The following SLC12A4 variants were observed in gnomAD, a reference collection of about 807,000 sequenced individuals.
SLC12A4 encodes the protein solute carrier family 12 member 4.
SLC12A4 carries 84 observed loss-of-function variants against 119.2 expected under a neutral mutation model. The ratio of observed to expected loss-of-function variants is 0.70; its 90% CI spans 0.59 to 0.85. The LOEUF is 0.85. SLC12A4 is among the 40% of genes least tolerant of loss of function. The pLI is 0.00. For synonymous variants in SLC12A4, 599 were observed against 604.6 expected, an observed-to-expected ratio of 0.99 and a Z score of 0.14; for missense variants, 1,298 against 1,476.3, an observed-to-expected ratio of 0.88 and a Z score of 1.98.
At chr16:67,954,066 C>T (rs997307490) in intron 6 of SLC12A4, 4 of 319,412 alleles carry the variant, frequency 1.3e-5, no homozygotes, top group African/African-American at 6.8e-5. Context: ...TCCCCAGGGG[C>T]GGGCACCTGT....
Position 67,968,619 on chromosome 16 carries a change from C to A in SLC12A4, c.-66G>T, listed in dbSNP as rs12925989. The A allele has an allele frequency of 7.4e-7, 1 of 1,345,780 alleles. No homozygotes were observed. Among genetic ancestry groups the A allele is most frequent in the Non-Finnish European group, 9.5e-7 (1 of 1,056,056 alleles). The allele number at this position is 1,345,780 out of a possible 1,614,324, so 83.4% of individuals were successfully genotyped here. ...CCGCCGCTGTCCCCGCCGCTGTCCC[C>A]GCCGCCCCGGGCCGACACGCCCCGC... is the stretch of plus-strand genomic sequence containing the variant. On this transcript the variant is annotated 5_prime_UTR_variant, in exon 1 of 24. Transcript: ENST00000316341.
intron 1 of SLC12A4, among the ~76,000 whole-genome samples, chr16:67,968,006 T>C (rs919362480): frequency 1.3e-5 from 2 of 151,994 alleles, no homozygotes; most frequent in Non-Finnish European, 2.9e-5. Context: ...GTTTGGGCAG[T>C]TGGGGAGCGG....
Position 67,949,604 on chromosome 16 carries a change from G to C in SLC12A4, c.1748+196C>G. 3 of 511,552 alleles carry C rather than the reference G, an allele frequency of 5.9e-6. No homozygotes were observed. The highest frequency in any genetic ancestry group is 1.0e-5 in the Non-Finnish European group (3 of 291,218). 31.7% of individuals were successfully genotyped at this position (511,552 alleles called of 1,614,324 possible). ...GCCTCAGGGAGGTGTGGACATATTG[G>C]TCACCTTATAGCTTTGGCATAGGTG... On this transcript the variant is annotated intron_variant, in intron 13 of 23. Transcript: ENST00000316341. The surrounding 1 kb of genome is among the most constrained non-coding windows in gnomAD (Gnocchi z 4.6).
Position 67,954,698 on chromosome 16 carries a change from A to C in SLC12A4, c.620T>G (p.Leu207Arg). The change falls in exon 6 of 24, where the codon CTG becomes CGG. Residue 207 changes from leucine to arginine, a missense_variant. Leu to Arg is a moderately radical substitution (Grantham distance 102, BLOSUM62 -2). Coordinates refer to ENST00000316341, the MANE Select transcript of SLC12A4 (RefSeq NM_005072.5). Reference protein sequence around the residue: ...FGGAVGLCFYLGTTFAAAMYI... With the variant: ...FGGAVGLCFYRGTTFAAAMYI... ...CATGGCTGCTGCGAATGTTGTTCCC[A>C]GGTAGAAGCACAGGCCCACAGCACC... The C allele has an allele frequency of 6.2e-7, 1 of 1,614,208 alleles. No homozygotes were observed. The highest frequency in any genetic ancestry group is 8.5e-7 in the Non-Finnish European group (1 of 1,180,026).
At chr16:67,947,643 G>A (rs942755555) in intron 15 of SLC12A4, 26 bp downstream of exon 15, 6 of 1,587,578 alleles carry the variant, frequency 3.8e-6, no homozygotes, top group Middle Eastern at 1.7e-4. Context: ...TCAGCTGGCA[G>A]AGGCCAGGTG....
chr16:67,963,171 G>A (rs558770173), intron 2 of SLC12A4: 1 of 191,218 alleles, frequency 5.2e-6, no homozygotes, highest in Non-Finnish European at 1.1e-5. Flanking sequence ...GAAGGAAGAG[G>A]AGAAATCCTG....
intron 5 of SLC12A4, 99 bp downstream of exon 5, chr16:67,957,643 C>G (rs2030340589): frequency 3.1e-5 from 44 of 1,403,090 alleles, no homozygotes; most frequent in Non-Finnish European, 4.4e-5. Context: ...CACTACAGAA[C>G]TGCTTGGGGC....
At chr16:67,967,496 C>T (rs2030916930) in intron 1 of SLC12A4, among the ~76,000 whole-genome samples, 1 of 152,340 alleles carries the variant, frequency 6.6e-6, no homozygotes, top group Non-Finnish European at 1.5e-5. Context: ...CACAATTACA[C>T]ATGCATATGC....
At position 67,944,918 on chromosome 16, in the gene SLC12A4, G is replaced by T; in HGVS notation, c.3180C>A (p.Leu1060=). 6.2e-7 allele frequency: 1 copy of T among 1,613,376 alleles called. No homozygotes were observed. The highest frequency in any genetic ancestry group is 2.2e-5 in the East Asian group (1 of 44,878). The change falls in exon 24 of 24, where the codon CTC becomes CTA. Residue 1060 remains leucine (L), a synonymous_variant. Coordinates refer to ENST00000316341, the MANE Select transcript of SLC12A4 (RefSeq NM_005072.5). The surrounding 1 kb of genome is among the most constrained non-coding windows in gnomAD (Gnocchi z 6.6). ...SEGDENYMEF[L]EVLTEGLERV... ...GCTCAAGGCCCTCGGTCAGCACCTCGAGGAACTCCATGTCTGCAGGGCCTC... is the reference window on the plus strand; with the variant it reads ...GCTCAAGGCCCTCGGTCAGCACCTCTAGGAACTCCATGTCTGCAGGGCCTC...
intron 1 of SLC12A4, chr16:67,966,658 T>C: frequency 6.7e-7 from 1 of 1,485,140 alleles, no homozygotes; most frequent in Non-Finnish European, 9.1e-7. Flanking sequence ...GTGTGGGCAC[T>C]GAACTGGGGA....
At position 67,945,486 on chromosome 16, in the gene SLC12A4, T is replaced by G; in HGVS notation, c.2915A>C (p.Glu972Ala). The change falls in exon 22 of 24, where the codon GAG (glutamate) becomes GCG (alanine). Residue 972 changes from glutamate (E) to alanine (A), a missense_variant. Glu to Ala is a moderately radical substitution (Grantham distance 107). Transcript: ENST00000316341. ...GATCTTGTCAGCCCCCACTGCAGACTCATCTTCCTCGTCCGAGTACAGGCT... is the reference window on the plus strand; with the variant it reads ...GATCTTGTCAGCCCCCACTGCAGACGCATCTTCCTCGTCCGAGTACAGGCT... Reference protein sequence around the residue: ...LESLYSDEEDESAVGADKIQM... With the variant: ...LESLYSDEEDASAVGADKIQM... The G allele has an allele frequency of 6.2e-7, 1 of 1,614,074 alleles. No individual in the cohort carries two copies. Among genetic ancestry groups the G allele is most frequent in the Non-Finnish European group, 8.5e-7 (1 of 1,180,000 alleles).
At position 67,949,104 on chromosome 16, in the gene SLC12A4, C is replaced by G. The variant is rs1363625493; in HGVS notation, c.1748+696G>C. Among the ~76,000 whole-genome samples, 1 of 152,220 alleles carries G rather than the reference C, an allele frequency of 6.6e-6. No individual in the cohort carries two copies. The highest frequency in any genetic ancestry group is 1.5e-5 in the Non-Finnish European group (1 of 68,040). ...CATGCTGGCCACTCCCTGCAAGGCA[C>G]TGGCACGCAGATTTGCCTGGCTGAT... On this transcript the variant is annotated intron_variant, in intron 13 of 23. Transcript: ENST00000316341. The surrounding 1 kb of genome is among the most constrained non-coding windows in gnomAD (Gnocchi z 4.6).
Position 67,950,403 on chromosome 16 carries a change from C to T in SLC12A4, c.1545G>A (p.Thr515=), listed in dbSNP as rs146678704. 3.1e-4 allele frequency: 507 copies of T among 1,614,004 alleles called. 1 individual carries two copies. The highest frequency in any genetic ancestry group is 3.0e-3 in the Middle Eastern group (18 of 6,062). ...TGAGGCTCTGGAGGCCAGCGCCACA[C>T]GTTGAAAAGAAGGAGCCGATGACGA... ...WVIVIGSFFS[T]CGAGLQSLTG... is the part of the protein sequence containing the mutation. The change falls in exon 12 of 24, where the codon ACG becomes ACA. Residue 515 remains threonine, a synonymous_variant. Transcript: ENST00000316341. The surrounding 1 kb of genome is among the most constrained non-coding windows in gnomAD (Gnocchi z 4.3).
At chr16:67,960,384 G>A (rs928264622) in intron 3 of SLC12A4, among the ~76,000 whole-genome samples, 1 of 152,140 alleles carries the variant, frequency 6.6e-6, no homozygotes, top group African/African-American at 2.4e-5. Flanking sequence ...GGCTGCACAG[G>A]GTCAGGGTCA....
intron 7 of SLC12A4, 66 bp downstream of exon 7, chr16:67,952,118 C>T (rs759639787): frequency 1.2e-5 from 19 of 1,609,714 alleles, no homozygotes; most frequent in Non-Finnish European, 1.5e-5. Context: ...GGATCTGGGG[C>T]ATCAAAGGCT....
In SLC12A4 at chr16:67,949,860, A is replaced by T. The variant is rs764317357; in HGVS notation, c.1688T>A (p.Leu563His). The change falls in exon 13 of 24, where the codon CTC becomes CAC. Residue 563 changes from leucine to histidine, a missense_variant. Physicochemically the swap from Leu to His is moderately conservative, Grantham distance 99. Transcript: ENST00000316341. This position sits in a 1 kb window ranked among gnomAD's most constrained non-coding sequence, Gnocchi z 4.6. ...EPTWALLLTA[L>H]IAELGILIAS... Reference sequence around the variant, plus strand: ...GATGAGGATGCCCAGCTCGGCGATGAGTGCCGTCAGGAGGAGTGCCCATGT... The same window carrying T: ...GATGAGGATGCCCAGCTCGGCGATGTGTGCCGTCAGGAGGAGTGCCCATGT... 5 of 1,609,722 alleles carry T rather than the reference A, an allele frequency of 3.1e-6. No individual in the cohort carries two copies. The highest frequency in any genetic ancestry group is 1.1e-5 in the South Asian group (1 of 90,748).
rs755485149 is a variant in SLC12A4, at chr16:67,968,523, C to A, written c.31G>T (p.Gly11Trp). The change falls in exon 1 of 24, where the codon GGG (glycine) becomes TGG (tryptophan). Residue 11 changes from glycine (G) to tryptophan (W), a missense_variant. Coordinates refer to ENST00000316341, the MANE Select transcript of SLC12A4 (RefSeq NM_005072.5). MPHFTVVPVD[G>W]PRRGDYDNLE... ...TTGTCATAGTCGCCGCGCCTCGGCC[C>A]GTCCACTGGCACCACGGTGAAGTGA... The A allele has an allele frequency of 2.3e-5, 36 of 1,581,074 alleles. No homozygotes were observed. Among genetic ancestry groups the A allele is most frequent in the Middle Eastern group, 1.7e-4 (1 of 5,996 alleles).
At chr16:67,958,181 G>T in intron 3 of SLC12A4, 137 bp from the exon 4 acceptor site, 2 of 803,468 alleles carry the variant, frequency 2.5e-6, no homozygotes, top group Non-Finnish European at 3.9e-6. Flanking sequence ...CAGCTAGGAT[G>T]TCTCTATTGA....
chr16:67,959,919 T>C (rs1269332172), intron 3 of SLC12A4, among the ~76,000 whole-genome samples: 1 of 152,246 alleles, frequency 6.6e-6, no homozygotes, highest in Non-Finnish European at 1.5e-5. Context: ...TGCTCGGGCC[T>C]GCCCTGGGTG....
Sources: gnomAD v4.1 joint callset for allele counts (sites outside exome capture counted in the v4.1 genomes callset) on GRCh38, gnomAD v4.1.1 for gene constraint, Gnocchi (gnomAD v3.1) non-coding constraint, MANE v1.5 for transcripts, NCBI Gene and HGNC (gene_info 2026-07-23, HGNC 2026-07-21) for gene names.